TRHDE: variants seen among roughly 807,000 people sequenced by gnomAD.
TRHDE encodes thyrotropin-releasing hormone-degrading ectoenzyme.
Under a neutral mutation model 125.7 loss-of-function variants are expected in TRHDE, and 72 were observed. The observed-to-expected ratio is 0.57, with a 90% CI of 0.47 to 0.70. The LOEUF is 0.70. Among genes scored for constraint, TRHDE ranks in the 30% least tolerant of loss-of-function variants. The pLI is 0.00. For missense variants in TRHDE, 1,110 were observed against 1,327.1 expected, an observed-to-expected ratio of 0.84 and a Z score of 2.54; for synonymous variants, 509 against 509.1, an observed-to-expected ratio of 1.00 and a Z score of 0.00.
At chr12:72,600,965 T>A (rs1748914339) in intron 12 of TRHDE, among the ~76,000 whole-genome samples, 1 of 152,126 alleles carries the variant, frequency 6.6e-6, no homozygotes, top group Non-Finnish European at 1.5e-5. Flanking sequence ...GATCAAGGAA[T>A]AATTTTGACT....
Position 72,378,141 on chromosome 12 carries a change from T to G in TRHDE, c.1315+20T>G, listed in dbSNP as rs1323941132. ...AACTAGGTAAGAATTTTCTTGGTTA[T>G]TTTATTGGAAGGGCTCCTTGAAAGT... On this transcript the variant is annotated intron_variant, in intron 3 of 18. Coordinates refer to ENST00000261180, the MANE Select transcript of TRHDE (RefSeq NM_013381.3). 1.3e-6 allele frequency: 2 copies of G among 1,567,782 alleles called. No individual in the cohort carries two copies. The highest frequency in any genetic ancestry group is 1.7e-6 in the Non-Finnish European group (2 of 1,163,106).
rs779381353 is a variant in TRHDE at position 72,182,636 on chromosome 12, G to A, written n.279+76884G>A. On this transcript the variant is annotated intron_variant and non_coding_transcript_variant, in intron 2 of 4. Transcript: ENST00000548156. ...TGCCAGGATAAGCATTCTGTACAGC[G>A]ATCATACCACCCTGGTGGAGAAAGA... Among the ~76,000 whole-genome samples, 15 of 152,096 alleles carry A rather than the reference G, an allele frequency of 9.9e-5. 1 individual carries two copies. Among genetic ancestry groups the A allele is most frequent in the Non-Finnish European group, 1.9e-4 (13 of 68,012 alleles).
chr12:72,157,224 G>T lies in TRHDE; in HGVS notation n.279+51472G>T, dbSNP rs138340210. On this transcript the variant is annotated intron_variant and non_coding_transcript_variant, in intron 2 of 4. Transcript: ENST00000548156. ...TGGTTCTAAAAAATCCAGCAGTATA[G>T]AATGTGAAGACAGTGATAGAAGATG... Among the ~76,000 whole-genome samples, 283 of 151,898 alleles carry T rather than the reference G, an allele frequency of 1.9e-3. 1 individual carries two copies. Among genetic ancestry groups the T allele is most frequent in the Admixed American group, 5.9e-3 (90 of 15,236 alleles).
At chr12:72,485,280 G>T (rs924196973) in intron 5 of TRHDE, among the ~76,000 whole-genome samples, 9 of 152,118 alleles carry the variant, frequency 5.9e-5, no homozygotes, top group African/African-American at 2.2e-4. Flanking sequence ...TCCTGCTCCA[G>T]GGGTGAGTAG....
intron 2 of TRHDE, among the ~76,000 whole-genome samples, chr12:72,247,425 C>G (rs1878595359): frequency 6.6e-6 from 1 of 152,162 alleles, no homozygotes; most frequent in Admixed American, 6.5e-5. Context: ...GGGACCTCCA[C>G]TGGTCCATGA....
intron 2 of TRHDE, among the ~76,000 whole-genome samples, chr12:72,216,580 C>G (rs1877896334): frequency 6.6e-6 from 1 of 152,042 alleles, no homozygotes; most frequent in Non-Finnish European, 1.5e-5. Flanking sequence ...ATTTATTCTC[C>G]TGTAAAATAT....
At chr12:72,551,069 AT>A (rs1869649209) in intron 7 of TRHDE, among the ~76,000 whole-genome samples, 1 of 152,054 alleles carries the variant, frequency 6.6e-6, no homozygotes, top group Non-Finnish European at 1.5e-5. Context: ...GTAACTTTAT[AT>A]AGTTATAAAA....
intron 10 of TRHDE, among the ~76,000 whole-genome samples, chr12:72,572,195 G>A (rs924652710): frequency 2.0e-5 from 3 of 152,014 alleles, no homozygotes; most frequent in Non-Finnish European, 4.4e-5. Flanking sequence ...TTTTTACTCT[G>A]GTTGACCTTT....
intron 6 of TRHDE, among the ~76,000 whole-genome samples, chr12:72,519,328 G>A (rs1280574737): frequency 6.6e-6 from 1 of 152,096 alleles, no homozygotes; most frequent in African/African-American, 2.4e-5. Flanking sequence ...ATATTTCTTG[G>A]CGGCTTTACT....
intron 2 of TRHDE, among the ~76,000 whole-genome samples, chr12:72,356,147 A>AT (rs1377457480): frequency 6.6e-6 from 1 of 151,820 alleles, no homozygotes; most frequent in African/African-American, 2.4e-5. Flanking sequence ...CTAAATGCCC[A>AT]TCAATAGTAT....
intron 7 of TRHDE, among the ~76,000 whole-genome samples, chr12:72,545,640 T>C (rs911278997): frequency 4.0e-5 from 6 of 151,656 alleles, no homozygotes; most frequent in Non-Finnish European, 8.9e-5. Flanking sequence ...TATCAATACA[T>C]ATAGAACTAT....
intron 2 of TRHDE, among the ~76,000 whole-genome samples, chr12:72,193,443 T>C (rs140533812): frequency 1.6e-4 from 24 of 152,238 alleles, no homozygotes; most frequent in Non-Finnish European, 3.2e-4. Flanking sequence ...TCAATTTCAG[T>C]CTGTGACAAA....
At chr12:72,115,350 C>T (rs187248895) in intron 2 of TRHDE, among the ~76,000 whole-genome samples, 32 of 151,564 alleles carry the variant, frequency 2.1e-4, no homozygotes, top group South Asian at 8.4e-4. Flanking sequence ...CCTCTAGTTC[C>T]GTCCATGTTG....
rs10784968 is a variant in TRHDE at position 72,371,662 on chromosome 12, G to T, written c.1189-6333G>T. ...TGGTGTTTGGTTTTCTGTCCTTGGG[G>T]TAGTTTACTGAGAATGATGATTTCC... On this transcript the variant is annotated intron_variant, in intron 2 of 18. Transcript: ENST00000261180. 4.7e-3 allele frequency among the ~76,000 whole-genome samples: 715 copies of T among 151,462 alleles called. 3 individuals are homozygous for T. Among genetic ancestry groups the T allele is most frequent in the Admixed American group, 9.7e-3 (147 of 15,208 alleles).
At chr12:72,252,116 C>T (rs1878699140) in intron 2 of TRHDE, among the ~76,000 whole-genome samples, 1 of 144,582 alleles carries the variant, frequency 6.9e-6, no homozygotes, top group Non-Finnish European at 1.5e-5. Flanking sequence ...CTTAACAGCA[C>T]ATTTTCCATA....
At chr12:72,286,653 A>G (rs1879900197) in intron 1 of TRHDE, 28 bp from the exon 2 acceptor site, 1 of 1,603,564 alleles carries the variant, frequency 6.2e-7, no homozygotes, top group Non-Finnish European at 8.5e-7. Flanking sequence ...CATAAATGTA[A>G]TTGAGAATGT....
intron 3 of TRHDE, among the ~76,000 whole-genome samples, chr12:72,407,249 C>G (rs1873306377): frequency 6.6e-6 from 1 of 152,188 alleles, no homozygotes; most frequent in African/African-American, 2.4e-5. Context: ...GGACTCATGT[C>G]TGACTTGCAT....
chr12:72,571,389 C>T (rs1870724858), intron 10 of TRHDE, among the ~76,000 whole-genome samples: 1 of 152,088 alleles, frequency 6.6e-6, no homozygotes, highest in African/African-American at 2.4e-5. Flanking sequence ...ATTTTATCTA[C>T]ATGATATTAA....
chr12:72,619,300 A>C (rs1872950825), intron 13 of TRHDE, among the ~76,000 whole-genome samples: 1 of 152,196 alleles, frequency 6.6e-6, no homozygotes, highest in Non-Finnish European at 1.5e-5. Flanking sequence ...AAATTTTTAA[A>C]GTTCAAACTT....
Sources: gnomAD v4.1 joint callset for allele counts (sites outside exome capture counted in the v4.1 genomes callset) on GRCh38, gnomAD v4.1.1 for gene constraint, MANE v1.5 for transcripts, NCBI Gene and HGNC (gene_info 2026-07-23, HGNC 2026-07-21) for gene names.